CPNE8: variants seen among roughly 807,000 people sequenced by gnomAD.
The protein encoded by CPNE8 is copine-8.
In CPNE8, 45 loss-of-function variants were observed where a neutral mutation model predicts 81.5. The observed-to-expected ratio is 0.55, with a 90% CI of 0.44 to 0.71. The LOEUF (loss-of-function observed/expected upper bound fraction) is 0.71, where lower values mean the gene tolerates loss of function less well. Ranked by LOEUF, CPNE8 falls within the 30% of genes least tolerant of loss-of-function variation. The probability of loss-of-function intolerance (pLI) is 0.00; values close to 1 mark genes in which losing one functional copy is unlikely to be tolerated. For missense variants in CPNE8, 594 were observed against 672.1 expected (o/e 0.88, Z 1.28); for synonymous variants, 252 against 226.3 (o/e 1.11, Z -1.02).
intron 6 of CPNE8, 139 bp downstream of exon 6, chr12:38,829,240 A>G: frequency 1.6e-6 from 1 of 619,498 alleles, no homozygotes; most frequent in Non-Finnish European, 2.9e-6. Flanking sequence ...ATATGTCAAA[A>G]TTATTTGTTA....
chr12:38,813,056 G>A (rs965939283), intron 6 of CPNE8, among the ~76,000 whole-genome samples: 4 of 152,214 alleles, frequency 2.6e-5, no homozygotes, highest in Admixed American at 6.5e-5. Flanking sequence ...AGCATAAGAT[G>A]TGTTTAGGAA....
chr12:38,728,602 G>A (rs1940759873), intron 11 of CPNE8, among the ~76,000 whole-genome samples: 2 of 151,918 alleles, frequency 1.3e-5, no homozygotes, highest in Admixed American at 1.3e-4. Flanking sequence ...CAAAAAAACA[G>A]AGCCTAAGAG....
intron 15 of CPNE8, among the ~76,000 whole-genome samples, chr12:38,688,079 T>C (rs1939575235): frequency 6.6e-6 from 1 of 152,202 alleles, no homozygotes; most frequent in African/African-American, 2.4e-5. Flanking sequence ...TAAAAATGTA[T>C]TATATATCTA....
rs200731266 is a variant in CPNE8 at position 38,829,397 on chromosome 12, C to T, written c.389G>A (p.Arg130His). ...LGEIVGSQGS[R>H]LEKPIVGIPG... ...TACTTACACTATTGGTTTTTCCAGG[C>T]GACTTCCCTGTGAACCAACGATCTC... is the stretch of plus-strand genomic sequence containing the variant. Residue 130 changes from arginine (R) to histidine (H), a missense_variant, in exon 6 of 20, where the codon CGC becomes CAC. Transcript: ENST00000331366. The T allele has an allele frequency of 1.6e-5, 25 of 1,611,788 alleles. No individual in the cohort carries two copies. Among genetic ancestry groups the T allele is most frequent in the South Asian group, 5.5e-5 (5 of 91,004 alleles).
At chr12:38,881,072 T>C (rs1389909126) in intron 1 of CPNE8, among the ~76,000 whole-genome samples, 1 of 151,652 alleles carries the variant, frequency 6.6e-6, no homozygotes, top group Non-Finnish European at 1.5e-5. Context: ...TAGCTGGGCG[T>C]GGTGGCGGGC....
intron 6 of CPNE8, among the ~76,000 whole-genome samples, chr12:38,828,236 A>T (rs1943231330): frequency 6.6e-6 from 1 of 152,210 alleles, no homozygotes. Context: ...GCACTCAATA[A>T]AATATTTGCA....
At chr12:38,776,585 C>T (rs1483449155) in intron 6 of CPNE8, among the ~76,000 whole-genome samples, 2 of 151,966 alleles carry the variant, frequency 1.3e-5, no homozygotes, top group African/African-American at 4.8e-5. Context: ...GCCGGTATTA[C>T]AGGCATGAGC....
chr12:38,799,143 G>A (rs79233841), intron 6 of CPNE8, among the ~76,000 whole-genome samples: 1 of 152,094 alleles, frequency 6.6e-6, no homozygotes, highest in Non-Finnish European at 1.5e-5. Flanking sequence ...AGATCAACGA[G>A]ACAGAAAGTT....
intron 10 of CPNE8, among the ~76,000 whole-genome samples, chr12:38,736,590 A>T (rs1338671020): frequency 6.6e-6 from 1 of 152,008 alleles, no homozygotes; most frequent in Non-Finnish European, 1.5e-5. Context: ...TTGCATGTGT[A>T]TCTATTAGAC....
intron 1 of CPNE8, among the ~76,000 whole-genome samples, chr12:38,877,544 G>C (rs1384177729): frequency 1.3e-5 from 2 of 151,888 alleles, no homozygotes; most frequent in Admixed American, 6.6e-5. Flanking sequence ...TCTAGATGTA[G>C]CTAATACAAA....
chr12:38,888,358 T>A (rs11833356), intron 1 of CPNE8, among the ~76,000 whole-genome samples: 4,786 of 152,284 alleles, frequency 0.031, 235 homozygotes, highest in African/African-American at 0.1. Context: ...AAATAATACA[T>A]AGGCTATGAC....
At chr12:38,794,701 AC>A (rs772454310) in intron 6 of CPNE8, among the ~76,000 whole-genome samples, 102 of 152,110 alleles carry the variant, frequency 6.7e-4, no homozygotes, top group Middle Eastern at 3.2e-3. Context: ...CAAAACTGAA[AC>A]CCTTGTGCAC....
intron 5 of CPNE8, among the ~76,000 whole-genome samples, 184 bp downstream of exon 5, chr12:38,839,731 AG>A (rs1169557023): frequency 6.6e-6 from 1 of 152,144 alleles, no homozygotes; most frequent in Non-Finnish European, 1.5e-5. Context: ...TACTTACTAA[AG>A]GTAACGTTTT....
intron 1 of CPNE8, among the ~76,000 whole-genome samples, chr12:38,887,387 T>A (rs1179559069): frequency 6.6e-6 from 1 of 152,144 alleles, no homozygotes; most frequent in Non-Finnish European, 1.5e-5. Flanking sequence ...CGTAAGTCAT[T>A]GTAAAATAAA....
intron 3 of CPNE8, among the ~76,000 whole-genome samples, chr12:38,850,213 G>A (rs532165640): frequency 1.3e-5 from 2 of 152,254 alleles, no homozygotes; most frequent in Non-Finnish European, 2.9e-5. Context: ...AGGAAAAACT[G>A]TTTCCAAACC....
chr12:38,820,056 A>AT (rs1375923647), intron 6 of CPNE8, among the ~76,000 whole-genome samples: 1 of 152,140 alleles, frequency 6.6e-6, no homozygotes, highest in Non-Finnish European at 1.5e-5. Flanking sequence ...TCTCTGAAAG[A>AT]TTTTATCACA....
chr12:38,795,291 T>C (rs1043986171), intron 6 of CPNE8, among the ~76,000 whole-genome samples: 1 of 152,222 alleles, frequency 6.6e-6, no homozygotes, highest in Non-Finnish European at 1.5e-5. Context: ...TCTGTCCCTC[T>C]AGAGAACACT....
chr12:38,688,863 T>G (rs1342267183), intron 15 of CPNE8, among the ~76,000 whole-genome samples: 3 of 152,130 alleles, frequency 2.0e-5, no homozygotes, highest in African/African-American at 7.2e-5. Flanking sequence ...CAGTGACCAC[T>G]GCTCAGGTGA....
intron 1 of CPNE8, among the ~76,000 whole-genome samples, chr12:38,890,913 G>A (rs1326856070): frequency 6.8e-6 from 1 of 147,672 alleles, no homozygotes; most frequent in African/African-American, 2.5e-5. Context: ...ATATATATAT[G>A]TATATATATA....
Sources: gnomAD v4.1 joint callset for allele counts (sites outside exome capture counted in the v4.1 genomes callset) on GRCh38, gnomAD v4.1.1 for gene constraint, MANE v1.5 for transcripts, NCBI Gene and HGNC (gene_info 2026-07-23, HGNC 2026-07-21) for gene names.